The following DNAJC13 variants were observed in gnomAD, a reference collection of about 807,000 sequenced individuals.
The protein encoded by DNAJC13 is dnaJ homolog subfamily C member 13.
Under a neutral mutation model 290.5 loss-of-function variants are expected in DNAJC13, and 75 were observed. The ratio of observed to expected loss-of-function variants is 0.26; its 90% CI spans 0.21 to 0.31. The LOEUF (loss-of-function observed/expected upper bound fraction) is 0.31, where lower values mean the gene tolerates loss of function less well. Among genes scored for constraint, DNAJC13 ranks in the 10% least tolerant of loss-of-function variants. The pLI is 1.00. For synonymous variants in DNAJC13, 862 were observed against 892.0 expected (o/e 0.97, Z 0.60); for missense variants, 2,260 against 2,674.5 (o/e 0.85, Z 3.42).
At position 132,456,804 on chromosome 3, in the gene DNAJC13, G is replaced by A; in HGVS notation, c.1321G>A (p.Gly441Ser). The change falls in exon 12 of 56, where the codon GGT (glycine) becomes AGT (serine). Residue 441 changes from glycine (G) to serine (S), a missense_variant. Around this residue, in one of 3 missense-constraint regions of DNAJC13, gnomAD observed 762 missense variants for 964.1 expected, o/e 0.79. Transcript: ENST00000260818. ...GAGGAGGCTTGTGGCATCCAAAGCT[G>A]GTTTCCTGGCTTTCACTCAGCTTCC... ...AVRRLVASKA[G>S]FLAFTQLPKF... 1.2e-6 allele frequency: 2 copies of A among 1,612,770 alleles called. No homozygotes were observed. Among genetic ancestry groups the A allele is most frequent in the Non-Finnish European group, 1.7e-6 (2 of 1,179,560 alleles).
chr3:132,432,223 G>T (rs892806758), intron 1 of DNAJC13, among the ~76,000 whole-genome samples: 1 of 151,890 alleles, frequency 6.6e-6, no homozygotes, highest in South Asian at 2.1e-4. Context: ...TTTGGGGGGG[G>T]ACAGAGTCTT....
chr3:132,480,551 A>G, intron 26 of DNAJC13, 81 bp downstream of exon 26: 1 of 1,054,940 alleles, frequency 9.5e-7, no homozygotes, highest in East Asian at 2.5e-5. Context: ...AGAAATCTGA[A>G]AAGATGTGGT....
At position 132,516,752 on chromosome 3, in the gene DNAJC13, A is replaced by G. The variant is rs769504705; in HGVS notation, c.5609A>G (p.Gln1870Arg). 1 of 1,613,650 alleles carries G rather than the reference A, an allele frequency of 6.2e-7. No individual in the cohort carries two copies. Among genetic ancestry groups the G allele is most frequent in the South Asian group, 1.1e-5 (1 of 91,066 alleles). The change falls in exon 48 of 56, where the codon CAG (glutamine) becomes CGG (arginine). Residue 1870 changes from glutamine to arginine, a missense_variant. This residue lies in a region of DNAJC13 where 1,494 missense variants were observed against 1,693.7 expected (regional missense o/e 0.88). Transcript: ENST00000260818. ...ATGTTCTGCAATTCAACACATCCACAGGTTCGAGCCCAAACAGCAGAACTT... is the reference window on the plus strand; with the variant it reads ...ATGTTCTGCAATTCAACACATCCACGGGTTCGAGCCCAAACAGCAGAACTT... ...LDMFCNSTHPQVRAQTAELFA... is the reference protein window; with the variant it reads ...LDMFCNSTHPRVRAQTAELFA...
At chr3:132,533,328 G>C (rs77234255) in intron 55 of DNAJC13, among the ~76,000 whole-genome samples, 39 of 134,192 alleles carry the variant, frequency 2.9e-4, no homozygotes, top group African/African-American at 4.2e-4. Flanking sequence ...CAGCATGCCC[G>C]CCCTCTTTTT....
chr3:132,457,396 G>T (rs1052142648), intron 13 of DNAJC13, 28 bp downstream of exon 13: 2 of 1,569,412 alleles, frequency 1.3e-6, no homozygotes, highest in Admixed American at 3.5e-5. Context: ...TAAGGAAACT[G>T]GTTTTTCTTA....
intron 1 of DNAJC13, among the ~76,000 whole-genome samples, chr3:132,432,051 A>C (rs1305613059): frequency 6.6e-6 from 1 of 152,138 alleles, no homozygotes; most frequent in Non-Finnish European, 1.5e-5. Flanking sequence ...TTTTTTTCTG[A>C]AAAGTTTTTT....
intron 2 of DNAJC13, among the ~76,000 whole-genome samples, chr3:132,435,638 TCC>T (rs1939366716): frequency 6.6e-6 from 1 of 152,154 alleles, no homozygotes; most frequent in African/African-American, 2.4e-5. Flanking sequence ...TCATTTTTTT[TCC>T]CCCTAGTTAG....
intron 2 of DNAJC13, among the ~76,000 whole-genome samples, chr3:132,440,256 CA>C (rs1390572267): frequency 1.3e-5 from 2 of 151,958 alleles, no homozygotes; most frequent in African/African-American, 4.8e-5. Context: ...GATTCCATCT[CA>C]AAAAAAGCAG....
chr3:132,507,824 C>T (rs562881150), intron 43 of DNAJC13, among the ~76,000 whole-genome samples: 12 of 152,148 alleles, frequency 7.9e-5, no homozygotes, highest in East Asian at 5.8e-4. Flanking sequence ...AACCCTGCAA[C>T]GGCCTCTAGG....
chr3:132,526,214 C>A lies in DNAJC13; in HGVS notation c.6314C>A (p.Thr2105Asn). Residue 2105 changes from threonine to asparagine, a missense_variant, in exon 53 of 56, where the codon ACT (threonine) becomes AAT (asparagine). Transcript: ENST00000260818. ...AATGGAATGAAAAAGCGAGCAGATA[C>A]TGTTGGTCTAGCCTGTGAAGCAATT... The part of the protein sequence containing the change: ...LMNGMKKRAD[T>N]VGLACEAINR... 6.2e-7 allele frequency: 1 copy of A among 1,614,076 alleles called. No homozygotes were observed. Among genetic ancestry groups the A allele is most frequent in the Non-Finnish European group, 8.5e-7 (1 of 1,179,992 alleles).
At chr3:132,494,035 C>G in intron 33 of DNAJC13, 109 bp from the exon 34 acceptor site, 1 of 738,944 alleles carries the variant, frequency 1.4e-6, no homozygotes, top group Non-Finnish European at 2.2e-6. Context: ...GTTAATTGGA[C>G]AGCTAAAAGT....
chr3:132,442,800 A>C (rs1933116094), intron 2 of DNAJC13, among the ~76,000 whole-genome samples: 1 of 152,230 alleles, frequency 6.6e-6, no homozygotes, highest in Non-Finnish European at 1.5e-5. Flanking sequence ...TGCCTGAATA[A>C]AAAGAAAACA....
chr3:132,441,958 C>T (rs1257244424), intron 2 of DNAJC13, among the ~76,000 whole-genome samples: 1 of 151,534 alleles, frequency 6.6e-6, no homozygotes, highest in African/African-American at 2.4e-5. Flanking sequence ...GTCAGATACT[C>T]ATTTAATCCA....
At chr3:132,499,872 T>G in intron 38 of DNAJC13, 64 bp downstream of exon 38, 1 of 1,445,864 alleles carries the variant, frequency 6.9e-7, no homozygotes, top group East Asian at 2.3e-5. Flanking sequence ...CTTTAACATA[T>G]CTGAGAATCA....
chr3:132,427,497 A>C (rs1350231471), intron 1 of DNAJC13, among the ~76,000 whole-genome samples: 1 of 152,198 alleles, frequency 6.6e-6, no homozygotes, highest in Non-Finnish European at 1.5e-5. Flanking sequence ...TAAAATAATA[A>C]TGACAGTAAC....
In DNAJC13 at chr3:132,525,646, T is replaced by C; in HGVS notation, c.6097T>C (p.Cys2033Arg). Residue 2033 changes from cysteine to arginine, a missense_variant, in exon 52 of 56, where the codon TGT becomes CGT. Cys to Arg is a radical substitution (Grantham distance 180). This residue lies in a region of DNAJC13 where 1,494 missense variants were observed against 1,693.7 expected (regional missense o/e 0.88). Coordinates refer to ENST00000260818, the MANE Select transcript of DNAJC13 (RefSeq NM_015268.4). Reference sequence around the variant, plus strand: ...GGAAACCTTGACAATGGCAACAGTGTGTCTCTTCAGCGCACAACCTCAGCT... The same window carrying C: ...GGAAACCTTGACAATGGCAACAGTGCGTCTCTTCAGCGCACAACCTCAGCT... The part of the protein sequence containing the change: ...TLETLTMATV[C>R]LFSAQPQLAD... 1 of 1,614,148 alleles carries C rather than the reference T, an allele frequency of 6.2e-7. No homozygotes were observed. The highest frequency in any genetic ancestry group is 8.5e-7 in the Non-Finnish European group (1 of 1,180,004).
At chr3:132,431,740 G>A (rs930062691) in intron 1 of DNAJC13, among the ~76,000 whole-genome samples, 5 of 152,134 alleles carry the variant, frequency 3.3e-5, no homozygotes, top group Non-Finnish European at 5.9e-5. Flanking sequence ...AACAACACCC[G>A]TGTCCATCAA....
At chr3:132,486,476 G>T (rs1934881357) in intron 29 of DNAJC13, among the ~76,000 whole-genome samples, 1 of 151,672 alleles carries the variant, frequency 6.6e-6, no homozygotes, top group Admixed American at 6.6e-5. Flanking sequence ...ATAACATGAA[G>T]CTTGGGGGAG....
At chr3:132,516,521 C>T in intron 47 of DNAJC13, 25 bp downstream of exon 47, 1 of 1,607,610 alleles carries the variant, frequency 6.2e-7, no homozygotes. Flanking sequence ...GCTTTCTTAG[C>T]TAGTCATGTG....
Sources: gnomAD v4.1 joint callset for allele counts (sites outside exome capture counted in the v4.1 genomes callset) on GRCh38, gnomAD v4.1.1 for gene constraint, gnomAD v4.1.1 regional missense constraint, MANE v1.5 for transcripts, NCBI Gene and HGNC (gene_info 2026-07-23, HGNC 2026-07-21) for gene names.